The following KCNN3 variants were observed in gnomAD, a reference collection of about 807,000 sequenced individuals.
The protein encoded by KCNN3 is small conductance calcium-activated potassium channel protein 3.
KCNN3 carries 16 observed loss-of-function variants against 62.9 expected under a neutral mutation model. That is an observed-to-expected ratio of 0.25 (90% CI 0.17 to 0.39). KCNN3 has a LOEUF of 0.39. KCNN3 is among the 10% of genes least tolerant of loss of function. The probability of loss-of-function intolerance (pLI) is 1.00; values close to 1 mark genes in which losing one functional copy is unlikely to be tolerated. For synonymous variants in KCNN3, 370 were observed against 389.2 expected, an observed-to-expected ratio of 0.95 and a Z score of 0.58; for missense variants, 599 against 949.4, an observed-to-expected ratio of 0.63 and a Z score of 4.85.
intron 1 of KCNN3, among the ~76,000 whole-genome samples, chr1:154,865,307 G>T (rs2101938311): frequency 6.6e-6 from 1 of 151,894 alleles, no homozygotes; most frequent in East Asian, 1.9e-4. Flanking sequence ...CTCTAGACCA[G>T]GCCTCGTCAC....
intron 2 of KCNN3, among the ~76,000 whole-genome samples, chr1:154,799,840 G>A (rs1649885545): frequency 6.6e-6 from 1 of 152,208 alleles, no homozygotes; most frequent in African/African-American, 2.4e-5. Context: ...ACTGAGATTA[G>A]TTCTGTAGCT....
intron 5 of KCNN3, among the ~76,000 whole-genome samples, chr1:154,721,317 T>TTTC (rs1700342378): frequency 1.7e-5 from 2 of 118,918 alleles, no homozygotes; most frequent in African/African-American, 6.1e-5. Context: ...TTTTTTTTTT[T>TTTC]GAGATGGAGT....
At chr1:154,821,543 C>G (rs1650896161) in intron 2 of KCNN3, among the ~76,000 whole-genome samples, 1 of 152,214 alleles carries the variant, frequency 6.6e-6, no homozygotes, top group African/African-American at 2.4e-5. Flanking sequence ...CAGCAAGAAA[C>G]AGAGGCCTTC....
chr1:154,760,296 G>T (rs945687014), intron 3 of KCNN3, among the ~76,000 whole-genome samples: 1 of 151,516 alleles, frequency 6.6e-6, no homozygotes, highest in Admixed American at 6.6e-5. Flanking sequence ...CGAATGAGCA[G>T]TTTAAGTGTC....
intron 3 of KCNN3, among the ~76,000 whole-genome samples, chr1:154,759,220 G>A (rs1482961373): frequency 6.6e-6 from 1 of 152,222 alleles, no homozygotes; most frequent in Non-Finnish European, 1.5e-5. Flanking sequence ...GGAGGGCAGG[G>A]GAAACACAGG....
At chr1:154,756,718 A>T (rs1178223496) in intron 3 of KCNN3, among the ~76,000 whole-genome samples, 3 of 152,160 alleles carry the variant, frequency 2.0e-5, no homozygotes, top group Non-Finnish European at 4.4e-5. Flanking sequence ...ATTTTTTTTT[A>T]AAAAAGAATC....
Position 154,869,622 on chromosome 1 carries a change from T to C in KCNN3, c.343A>G (p.Asn115Asp). 6.2e-7 allele frequency: 1 copy of C among 1,613,688 alleles called. No homozygotes were observed. The highest frequency in any genetic ancestry group is 8.5e-7 in the Non-Finnish European group (1 of 1,179,870). The change falls in exon 1 of 8, where the codon AAC becomes GAC. Residue 115 changes from asparagine (N) to aspartate (D), a missense_variant. This residue lies in a region of KCNN3 where 112 missense variants were observed against 142.9 expected (regional missense o/e 0.78). Coordinates refer to ENST00000271915, the MANE Select transcript of KCNN3 (RefSeq NM_002249.6). This position sits in a 1 kb window ranked among gnomAD's most constrained non-coding sequence, Gnocchi z 6.1. ...GAAGGGTGGAGGATGGCGGTGGAGT[T>C]GGACGAAGGGGGGGCCCTGAAAGCG... ...PTAFRAPPSS[N>D]STAILHPSSR...
intron 3 of KCNN3, among the ~76,000 whole-genome samples, chr1:154,765,728 G>T (rs1053342266): frequency 2.0e-5 from 3 of 151,130 alleles, no homozygotes; most frequent in Non-Finnish European, 4.4e-5. Flanking sequence ...TCCCAGGTTA[G>T]GTGATCCCCC....
chr1:154,848,889 C>T (rs1030470097), intron 1 of KCNN3, among the ~76,000 whole-genome samples: 1 of 152,222 alleles, frequency 6.6e-6, no homozygotes, highest in Non-Finnish European at 1.5e-5. Flanking sequence ...CCGAACACCC[C>T]CTCAGCCTCA....
At chr1:154,722,586 G>A (rs144230444) in intron 5 of KCNN3, among the ~76,000 whole-genome samples, 12 of 151,662 alleles carry the variant, frequency 7.9e-5, no homozygotes, top group African/African-American at 1.7e-4. Flanking sequence ...TAGAGACAGC[G>A]TTTCACTGTG....
At chr1:154,784,180 C>A (rs1649179775) in intron 2 of KCNN3, among the ~76,000 whole-genome samples, 1 of 152,126 alleles carries the variant, frequency 6.6e-6, no homozygotes, top group African/African-American at 2.4e-5. Flanking sequence ...TGTGGCCACA[C>A]CTTGGTCTCA....
intron 1 of KCNN3, among the ~76,000 whole-genome samples, chr1:154,858,293 C>G (rs1652617085): frequency 6.6e-6 from 1 of 152,192 alleles, no homozygotes; most frequent in African/African-American, 2.4e-5. Flanking sequence ...AAGAAACAAC[C>G]AAGGTAAAAC....
chr1:154,739,732 G>A (rs922604492), intron 3 of KCNN3, among the ~76,000 whole-genome samples: 2 of 152,296 alleles, frequency 1.3e-5, no homozygotes, highest in Middle Eastern at 3.4e-3. Context: ...TTCTGTCTTG[G>A]GTGATCTCTC....
chr1:154,843,967 C>G (rs1008219834), intron 1 of KCNN3, among the ~76,000 whole-genome samples: 1 of 152,116 alleles, frequency 6.6e-6, no homozygotes, highest in African/African-American at 2.4e-5. Flanking sequence ...GTGACTGCCC[C>G]GAAAGTAGGA....
At chr1:154,856,739 T>C (rs1303707834) in intron 1 of KCNN3, among the ~76,000 whole-genome samples, 9 of 152,166 alleles carry the variant, frequency 5.9e-5, no homozygotes, top group African/African-American at 1.9e-4. Context: ...ATCAAAGCAC[T>C]GAGACAGCTT....
intron 1 of KCNN3, among the ~76,000 whole-genome samples, chr1:154,837,564 C>T (rs1366807687): frequency 6.6e-6 from 1 of 152,136 alleles, no homozygotes; most frequent in Admixed American, 6.5e-5. Flanking sequence ...AGGAAGGCAG[C>T]AGAACGAGTG....
At chr1:154,722,584 G>A (rs962619779) in intron 5 of KCNN3, among the ~76,000 whole-genome samples, 5 of 151,684 alleles carry the variant, frequency 3.3e-5, no homozygotes, top group Non-Finnish European at 5.9e-5. Context: ...AGTAGAGACA[G>A]CGTTTCACTG....
At position 154,830,548 on chromosome 1, in the gene KCNN3, G is replaced by T. The variant is rs188361530; in HGVS notation, c.934-8364C>A. On this transcript the variant is annotated intron_variant, in intron 1 of 7. Transcript: ENST00000271915. ...TTCACCGTCTCTGCAGACTGGGCCC[G>T]GCACGGGGAAACTAGGCAGATAATA... Among the ~76,000 whole-genome samples, 578 of 152,342 alleles carry T rather than the reference G, an allele frequency of 3.8e-3. 2 individuals are homozygous for T. The highest frequency in any genetic ancestry group is 5.1e-3 in the Non-Finnish European group (347 of 68,036).
intron 3 of KCNN3, among the ~76,000 whole-genome samples, chr1:154,755,523 G>GGA (rs1647611839): frequency 1.0e-5 from 1 of 100,494 alleles, no homozygotes; most frequent in South Asian, 3.4e-4. Flanking sequence ...AAGAAAGAAA[G>GGA]AAAGAAGAAG....
Sources: allele counts gnomAD v4.1 joint callset (sites outside exome capture counted in the v4.1 genomes callset), GRCh38; gene constraint gnomAD v4.1.1; regional missense constraint gnomAD v4.1.1; non-coding constraint Gnocchi (gnomAD v3.1); transcripts MANE v1.5; gene names NCBI Gene and HGNC (gene_info 2026-07-23, HGNC 2026-07-21).